PKD1L1: variants seen among roughly 807,000 people sequenced by gnomAD.
The protein encoded by PKD1L1 is polycystin-1-like protein 1.
Under a neutral mutation model 323.4 loss-of-function variants are expected in PKD1L1, and 236 were observed. The observed-to-expected ratio is 0.73, with a 90% confidence interval of 0.66 to 0.81. The LOEUF is 0.81. Ranked by LOEUF, PKD1L1 falls within the 40% of genes least tolerant of loss-of-function variation. The probability of loss-of-function intolerance (pLI) is 0.00; values close to 1 mark genes in which losing one functional copy is unlikely to be tolerated. For missense variants in PKD1L1, 3,320 were observed against 3,508.0 expected (o/e 0.95, Z 1.35); for synonymous variants, 1,344 against 1,335.0 (o/e 1.01, Z -0.15).
Position 47,931,994 on chromosome 7 carries a change from T to C in PKD1L1, c.461A>G (p.His154Arg). 1 of 1,614,102 alleles carries C rather than the reference T, an allele frequency of 6.2e-7. No individual in the cohort carries two copies. Among genetic ancestry groups the C allele is most frequent in the South Asian group, 1.1e-5 (1 of 91,076 alleles). ...CCCAGTAGCACACAGCCGCCTGTGA[T>C]GGAACCTGGGGCCACCACTGCTCCA... The part of the protein sequence containing the change: ...RAWSSGGPRF[H>R]HRRLCATGTA... The change falls in exon 5 of 57, where the codon CAT (histidine) becomes CGT (arginine). Residue 154 changes from histidine to arginine, a missense_variant. His to Arg is a conservative substitution (Grantham distance 29). Coordinates refer to ENST00000289672, the MANE Select transcript of PKD1L1 (RefSeq NM_138295.5).
rs938116897 is a variant in PKD1L1, at chr7:47,822,956, T to C, written c.6855-1770A>G. Among the ~76,000 whole-genome samples the C allele has an allele frequency of 1.7e-4, 24 of 139,780 alleles. No individual in the cohort carries two copies. In the South Asian group the frequency reaches 4.2e-3, roughly 24 times the overall value. The allele number at this position is 139,780 out of a possible 152,430, so 91.7% of individuals were successfully genotyped here. ...TTCACTTATTAGTTCCAGAACCCTT[T>C]TTTTTTTTGTAAATTATTTGGGATT... On this transcript the variant is annotated intron_variant, in intron 45 of 56. Transcript: ENST00000289672.
intron 7 of PKD1L1, among the ~76,000 whole-genome samples, chr7:47,920,204 T>A (rs1305454326): frequency 6.6e-6 from 1 of 151,558 alleles, no homozygotes; most frequent in Admixed American, 6.6e-5. Flanking sequence ...CAGTAGGTCT[T>A]CTATACATCA....
chr7:47,957,858 A>ATATATATATATATATATATATAT, the PKD1L1 span, among the ~76,000 whole-genome samples: 5 of 48,160 alleles, frequency 1.0e-4, no homozygotes, highest in Non-Finnish European at 2.8e-4. Context: ...TACAATTAAA[A>ATATATATATATATATATATATAT]AAAAATATAT....
chr7:47,913,632 G>T (rs1272254813), intron 8 of PKD1L1, among the ~76,000 whole-genome samples: 1 of 152,228 alleles, frequency 6.6e-6, no homozygotes, highest in East Asian at 1.9e-4. Flanking sequence ...GCTATGTAAC[G>T]TGTGTGTTCC....
chr7:47,851,092 T>TAC (rs200866475), intron 31 of PKD1L1, among the ~76,000 whole-genome samples: 121 of 151,206 alleles, frequency 8.0e-4, no homozygotes, highest in African/African-American at 2.3e-3. Context: ...TACACACACA[T>TAC]ACACACACAC....
intron 40 of PKD1L1, 84 bp from the exon 41 acceptor site, chr7:47,833,336 C>T: frequency 6.8e-7 from 1 of 1,460,620 alleles, no homozygotes; most frequent in Non-Finnish European, 9.3e-7. Context: ...TGGCTTGCCG[C>T]CTTCTCAGAG....
chr7:47,870,466 G>A (rs1348193065), intron 24 of PKD1L1, among the ~76,000 whole-genome samples: 1 of 152,010 alleles, frequency 6.6e-6, no homozygotes, highest in African/African-American at 2.4e-5. Flanking sequence ...AGGATTATAG[G>A]AGAACACCAT....
chr7:47,926,438 C>T (rs553824202), intron 7 of PKD1L1, among the ~76,000 whole-genome samples: 12 of 152,306 alleles, frequency 7.9e-5, no homozygotes, highest in South Asian at 4.1e-4. Flanking sequence ...TGATATCTTA[C>T]GTCTCCCTAA....
intron 55 of PKD1L1, chr7:47,795,274 C>G: frequency 2.3e-6 from 1 of 441,740 alleles, no homozygotes; most frequent in South Asian, 1.6e-5. Context: ...ATCATAGGGG[C>G]TGGTCTTTCT....
intron 56 of PKD1L1, among the ~76,000 whole-genome samples, chr7:47,781,634 T>C (rs1469234675): frequency 3.3e-5 from 5 of 151,652 alleles, no homozygotes; most frequent in African/African-American, 7.3e-5. Context: ...TGGTCTCGAT[T>C]TCCTGACGTA....
At chr7:47,957,864 T>A in the PKD1L1 span, among the ~76,000 whole-genome samples, 8,322 of 135,276 alleles carry the variant, frequency 0.062, 447 homozygotes, top group South Asian at 0.083. Context: ...TAAAAAAAAA[T>A]ATATATATAT....
At chr7:47,890,847 A>G in intron 15 of PKD1L1, 84 bp from the exon 16 acceptor site, 1 of 1,225,440 alleles carries the variant, frequency 8.2e-7, no homozygotes, top group Non-Finnish European at 1.2e-6. Flanking sequence ...GGTTTTCCCC[A>G]GGTGAGGGGG....
At chr7:47,948,278 G>T in intron 1 of PKD1L1, 119 bp downstream of exon 1, 2 of 1,158,666 alleles carry the variant, frequency 1.7e-6, no homozygotes, top group Non-Finnish European at 2.5e-6. Flanking sequence ...CTGGTACAGG[G>T]CCTCCACTCG....
At chr7:47,835,405 T>C (rs1206046863) in intron 37 of PKD1L1, among the ~76,000 whole-genome samples, 162 bp from the exon 38 acceptor site, 1 of 152,166 alleles carries the variant, frequency 6.6e-6, no homozygotes, top group African/African-American at 2.4e-5. Flanking sequence ...ATTCAATTGA[T>C]TGATTGATTG....
At chr7:47,902,109 A>G (rs1294059164) in intron 13 of PKD1L1, among the ~76,000 whole-genome samples, 2 of 150,914 alleles carry the variant, frequency 1.3e-5, no homozygotes, top group Non-Finnish European at 2.9e-5. Flanking sequence ...ATGCCAGAGT[A>G]ATGCAGGCGA....
At chr7:47,894,918 T>C (rs1309477147) in intron 14 of PKD1L1, among the ~76,000 whole-genome samples, 2 of 151,926 alleles carry the variant, frequency 1.3e-5, no homozygotes, top group African/African-American at 4.8e-5. Flanking sequence ...ATTCTTTCAC[T>C]GGGTCTCAGC....
chr7:47,941,381 G>C (rs149308425), intron 2 of PKD1L1, among the ~76,000 whole-genome samples: 1 of 152,210 alleles, frequency 6.6e-6, no homozygotes, highest in Non-Finnish European at 1.5e-5. Context: ...CCTCACAGGG[G>C]ATGTGGCTTC....
chr7:47,930,419 G>A (rs1296272125), intron 6 of PKD1L1, among the ~76,000 whole-genome samples: 1 of 151,854 alleles, frequency 6.6e-6, no homozygotes, highest in Non-Finnish European at 1.5e-5. Context: ...GCAAGAGAAT[G>A]GCATAAACTC....
the PKD1L1 span, among the ~76,000 whole-genome samples, chr7:47,959,092 G>A: frequency 1.3e-4 from 20 of 152,336 alleles, no homozygotes; most frequent in East Asian, 1.3e-3. Flanking sequence ...CCGAGGTGCC[G>A]GGATTGCAGA....
Sources: gnomAD v4.1 joint callset for allele counts (sites outside exome capture counted in the v4.1 genomes callset) on GRCh38, gnomAD v4.1.1 for gene constraint, MANE v1.5 for transcripts, NCBI Gene and HGNC (gene_info 2026-07-23, HGNC 2026-07-21) for gene names.